The following ARL17B variants were observed in gnomAD, a reference collection of about 807,000 sequenced individuals.
The protein encoded by ARL17B is ADP-ribosylation factor-like protein 17.
chr17:46,287,115 CCT>C (rs2049941891), intron 4 of ARL17B, among the ~76,000 whole-genome samples: 1 of 151,620 alleles, frequency 6.6e-6, no homozygotes, highest in Non-Finnish European at 1.5e-5. Flanking sequence ...CCATTCTACC[CCT>C]GGCAAACTCC....
chr17:46,282,171 C>T (rs1160825977), intron 4 of ARL17B, among the ~76,000 whole-genome samples: 5 of 151,624 alleles, frequency 3.3e-5, no homozygotes, highest in Admixed American at 1.3e-4. Context: ...GGCGCAATCT[C>T]GGCTCACTGC....
chr17:46,298,723 CAAA>C (rs1189992034), downstream of ARL17B, among the ~76,000 whole-genome samples: 1 of 40,434 alleles, frequency 2.5e-5, no homozygotes, highest in African/African-American at 8.2e-5. Context: ...GACTCCATCT[CAAA>C]AAAAAAAAAA....
At chr17:46,290,658 G>A (rs1050181046) in intron 4 of ARL17B, among the ~76,000 whole-genome samples, 1 of 152,208 alleles carries the variant, frequency 6.6e-6, no homozygotes, top group African/African-American at 2.4e-5. Context: ...TGTTAGCCAG[G>A]CTGGTCTCGA....
intron 3 of ARL17B, among the ~76,000 whole-genome samples, chr17:46,317,063 T>C (rs2051174144): frequency 2.3e-5 from 2 of 86,888 alleles, no homozygotes; most frequent in Non-Finnish European, 6.5e-5. Context: ...TCCCCACATT[T>C]CCCCCTTTTC....
At chr17:46,275,608 G>A (rs1176311714) in intron 4 of ARL17B, among the ~76,000 whole-genome samples, 1 of 152,154 alleles carries the variant, frequency 6.6e-6, no homozygotes, top group Non-Finnish European at 1.5e-5. Context: ...TGTACACTAA[G>A]CATAATAGCT....
At chr17:46,285,431 G>A (rs564481385) in intron 4 of ARL17B, among the ~76,000 whole-genome samples, 14 of 152,022 alleles carry the variant, frequency 9.2e-5, no homozygotes, top group African/African-American at 3.1e-4. Flanking sequence ...TAGTAGAGAC[G>A]GGGTTTCACC....
chr17:46,309,210 CATTT>C (rs2050682880), intron 3 of ARL17B, among the ~76,000 whole-genome samples: 1 of 45,918 alleles, frequency 2.2e-5, no homozygotes, highest in Admixed American at 2.7e-4. Context: ...GAAAGGAGGA[CATTT>C]ATTTGCAGGG....
intron 4 of ARL17B, among the ~76,000 whole-genome samples, chr17:46,278,404 T>A (rs1237884767): frequency 2.8e-5 from 4 of 140,960 alleles, no homozygotes; most frequent in Non-Finnish European, 6.3e-5. Flanking sequence ...TTATTTTGTT[T>A]TTTTTTTGTT....
intron 3 of ARL17B, among the ~76,000 whole-genome samples, chr17:46,305,138 G>T: frequency 1.1e-5 from 1 of 92,378 alleles, no homozygotes; most frequent in Non-Finnish European, 2.6e-5. Flanking sequence ...GAAAGTGCTG[G>T]ATTACAGGCC....
chr17:46,333,180 A>G (rs1304199208), downstream of ARL17B, among the ~76,000 whole-genome samples: 1 of 99,422 alleles, frequency 1.0e-5, no homozygotes, highest in Non-Finnish European at 2.5e-5. Context: ...ACTACAGAGT[A>G]GCCATCTTTT....
rs1461102544 is a variant in ARL17B at position 46,325,880 on chromosome 17, G to A, written c.260-26215C>T. On this transcript the variant is annotated intron_variant, in intron 3 of 4. Transcript: ENST00000434041. ...ACTGATTCCAGATGAAAGTTATACAGGTGTTCATTATACCATTTGAAAATG... is the reference window on the plus strand; with the variant it reads ...ACTGATTCCAGATGAAAGTTATACAAGTGTTCATTATACCATTTGAAAATG... Among the ~76,000 whole-genome samples, 2 of 70,782 alleles carry A rather than the reference G, an allele frequency of 2.8e-5. 1 individual carries two copies. The highest frequency in any genetic ancestry group is 6.5e-5 in the African/African-American group (2 of 30,892). 46.4% of individuals were successfully genotyped at this position (70,782 alleles called of 152,430 possible).
rs540425994 is a variant in ARL17B at position 46,287,759 on chromosome 17, T to C, written c.*21+11767A>G. Among the ~76,000 whole-genome samples the C allele has an allele frequency of 2.1e-4, 32 of 152,304 alleles. No individual in the cohort carries two copies. In the South Asian group the frequency reaches 6.2e-3, roughly 30 times the overall value. Reference sequence around the variant, plus strand: ...CATGGTATGGGGAAGGATGCAAAGATAGTTATCCAGAATCTGTCTACACTG... The same window carrying C: ...CATGGTATGGGGAAGGATGCAAAGACAGTTATCCAGAATCTGTCTACACTG... On this transcript the variant is annotated intron_variant, in intron 4 of 4. Transcript: ENST00000570618.
chr17:46,311,152 A>T (rs1338378102), intron 3 of ARL17B: 2 of 360,060 alleles, frequency 5.6e-6, no homozygotes, highest in East Asian at 6.5e-5. Flanking sequence ...AAAAAAAAAA[A>T]AAAAAGGAAA....
rs1199703458 is a variant in ARL17B, at chr17:46,309,020, T to A, written c.260-9355A>T. Among the ~76,000 whole-genome samples the A allele has an allele frequency of 2.6e-5, 2 of 76,216 alleles. 1 individual carries two copies. The highest frequency in any genetic ancestry group is 2.8e-4 in the Admixed American group (2 of 7,178). The allele number at this position is 76,216 out of a possible 152,430, so 50.0% of individuals were successfully genotyped here. ...GTTACAACCCAGTAAATCTCTTGAA[T>A]GAAGCCTCTATGTTATTGACAAATA... On this transcript the variant is annotated intron_variant, in intron 3 of 4. Coordinates refer to the ARL17B transcript ENST00000434041.
downstream of ARL17B, chr17:46,332,775 C>T: frequency 4.9e-6 from 2 of 404,774 alleles, no homozygotes; most frequent in Non-Finnish European, 9.6e-6. Flanking sequence ...CATACTTCTT[C>T]AGTCATTTAA....
intron 4 of ARL17B, among the ~76,000 whole-genome samples, chr17:46,290,463 C>T (rs1206176821): frequency 5.3e-5 from 8 of 152,164 alleles, no homozygotes; most frequent in Non-Finnish European, 7.3e-5. Flanking sequence ...TCTGAAGCTA[C>T]AGTTTTTTGT....
At chr17:46,321,357 GAAAAA>G (rs763727306) in intron 3 of ARL17B, among the ~76,000 whole-genome samples, 8 of 31,364 alleles carry the variant, frequency 2.6e-4, no homozygotes, top group Middle Eastern at 0.022. Context: ...CTCCGTCTCA[GAAAAA>G]AAAAAAAAAA....
At chr17:46,279,902 TAAAC>T (rs1318959752) in intron 4 of ARL17B, among the ~76,000 whole-genome samples, 2 of 152,198 alleles carry the variant, frequency 1.3e-5, no homozygotes, top group Non-Finnish European at 2.9e-5. Flanking sequence ...TTTTCTGTCT[TAAAC>T]AAATTATCTA....
At chr17:46,282,249 T>C (rs1316687957) in intron 4 of ARL17B, among the ~76,000 whole-genome samples, 2 of 149,266 alleles carry the variant, frequency 1.3e-5, no homozygotes, top group East Asian at 2.0e-4. Flanking sequence ...ACTACAGGCG[T>C]CTGCCACCAC....
Sources: gnomAD v4.1 joint callset for allele counts (sites outside exome capture counted in the v4.1 genomes callset) on GRCh38, gnomAD v4.1.1 for gene constraint, MANE v1.5 for transcripts, NCBI Gene and HGNC (gene_info 2026-07-23, HGNC 2026-07-21) for gene names.